The following RORA variants were observed in gnomAD, a reference collection of about 807,000 sequenced individuals.
RORA encodes RAR related orphan receptor A.
A neutral mutation model predicts 69.5 loss-of-function variants in RORA; 7 were observed. That is an observed-to-expected ratio of 0.10 (90% CI 0.06 to 0.19). The LOEUF (loss-of-function observed/expected upper bound fraction) is 0.19, where lower values mean the gene tolerates loss of function less well. RORA is among the 10% of genes least tolerant of loss of function. The pLI, the probability that RORA is intolerant of heterozygous loss-of-function variation, is 1.00. For synonymous variants in RORA, 261 were observed against 240.8 expected (o/e 1.08, Z -0.78); for missense variants, 457 against 663.0 (o/e 0.69, Z 3.41).
chr15:60,878,466 G>A (rs2073644208), intron 1 of RORA, among the ~76,000 whole-genome samples: 1 of 152,050 alleles, frequency 6.6e-6, no homozygotes, highest in African/African-American at 2.4e-5. Flanking sequence ...TTACCCAGTT[G>A]GTGGCTGGTG....
chr15:61,103,651 G>A (rs1026249760), intron 1 of RORA, among the ~76,000 whole-genome samples: 4 of 152,140 alleles, frequency 2.6e-5, no homozygotes, highest in Non-Finnish European at 2.9e-5. Flanking sequence ...GTGTGCACAC[G>A]TTTGGGGCTC....
intron 1 of RORA, among the ~76,000 whole-genome samples, chr15:61,037,382 G>A (rs917490877): frequency 1.3e-5 from 2 of 152,080 alleles, no homozygotes; most frequent in African/African-American, 4.8e-5. Flanking sequence ...TCCTTATTAG[G>A]TATCCTCCCA....
At chr15:60,671,812 A>G (rs931366957) in intron 2 of RORA, among the ~76,000 whole-genome samples, 13 of 150,728 alleles carry the variant, frequency 8.6e-5, no homozygotes, top group Non-Finnish European at 1.5e-4. Context: ...GAGTTTCACC[A>G]TGTTGGCCAG....
At chr15:60,891,316 G>C (rs2073810694) in intron 1 of RORA, among the ~76,000 whole-genome samples, 1 of 152,220 alleles carries the variant, frequency 6.6e-6, no homozygotes, top group Non-Finnish European at 1.5e-5. Flanking sequence ...CATTGTGTGT[G>C]TGCATGTGTG....
intron 1 of RORA, among the ~76,000 whole-genome samples, chr15:60,893,230 C>T (rs1300325215): frequency 1.3e-5 from 2 of 152,226 alleles, no homozygotes; most frequent in Non-Finnish European, 2.9e-5. Context: ...GATGATAGGA[C>T]ATTCCCCAAA....
chr15:60,988,386 G>C (rs542352437), intron 1 of RORA, among the ~76,000 whole-genome samples: 1 of 152,312 alleles, frequency 6.6e-6, no homozygotes, highest in African/African-American at 2.4e-5. Context: ...CCTGGAAATA[G>C]ACTGCTCACC....
At chr15:60,733,677 A>G (rs2071458119) in intron 1 of RORA, among the ~76,000 whole-genome samples, 1 of 152,178 alleles carries the variant, frequency 6.6e-6, no homozygotes, top group South Asian at 2.1e-4. Flanking sequence ...AGCTTCTGGA[A>G]GGCAAAATTT....
chr15:61,095,496 A>G (rs888035027), intron 1 of RORA, among the ~76,000 whole-genome samples: 4 of 152,244 alleles, frequency 2.6e-5, no homozygotes, highest in African/African-American at 9.6e-5. Flanking sequence ...GTTAATGCCT[A>G]CCCATCTGAG....
chr15:60,633,427 C>A (rs1216370844), intron 2 of RORA, among the ~76,000 whole-genome samples: 1 of 152,138 alleles, frequency 6.6e-6, no homozygotes, highest in Non-Finnish European at 1.5e-5. Flanking sequence ...AACGTTTTTC[C>A]AAACTTCCTT....
chr15:60,985,907 C>A (rs1156648475), intron 1 of RORA, among the ~76,000 whole-genome samples: 1 of 152,116 alleles, frequency 6.6e-6, no homozygotes, highest in Non-Finnish European at 1.5e-5. Context: ...TCAAGGAGTT[C>A]TCAAAAATTA....
At chr15:60,758,840 AG>A (rs558126792) in intron 1 of RORA, among the ~76,000 whole-genome samples, 159 of 152,326 alleles carry the variant, frequency 1.0e-3, no homozygotes, top group African/African-American at 3.6e-3. Flanking sequence ...TGGATTCAAA[AG>A]CTTTCACACC....
At chr15:60,877,003 T>TATA (rs2073624810) in intron 1 of RORA, among the ~76,000 whole-genome samples, 1 of 152,086 alleles carries the variant, frequency 6.6e-6, no homozygotes, top group Non-Finnish European at 1.5e-5. Context: ...AACTAATGGG[T>TATA]ACTGGGCTTA....
intron 1 of RORA, among the ~76,000 whole-genome samples, chr15:60,739,625 T>G (rs1307116945): frequency 6.6e-6 from 1 of 152,040 alleles, no homozygotes; most frequent in African/African-American, 2.4e-5. Flanking sequence ...CCAGGAAGAT[T>G]TTGTGTGGAC....
chr15:61,112,074 T>C (rs894254430), intron 1 of RORA, among the ~76,000 whole-genome samples: 5 of 152,182 alleles, frequency 3.3e-5, no homozygotes, highest in Non-Finnish European at 7.3e-5. Flanking sequence ...CTATTCAAAG[T>C]GTGCTCCACG....
At chr15:61,166,103 T>A (rs1313021331) in intron 1 of RORA, among the ~76,000 whole-genome samples, 2 of 152,200 alleles carry the variant, frequency 1.3e-5, no homozygotes, top group Non-Finnish European at 2.9e-5. Context: ...GAAAGGATAT[T>A]CCAGTATGTG....
intron 1 of RORA, among the ~76,000 whole-genome samples, chr15:61,057,410 T>C (rs903926386): frequency 1.3e-5 from 2 of 152,206 alleles, no homozygotes; most frequent in African/African-American, 4.8e-5. Flanking sequence ...TCTGCCAGCA[T>C]TTCTGGGAAT....
intron 1 of RORA, among the ~76,000 whole-genome samples, chr15:61,179,937 G>A (rs536607976): frequency 6.7e-6 from 1 of 150,292 alleles, no homozygotes; most frequent in African/African-American, 2.4e-5. Flanking sequence ...AGGAGTTCGA[G>A]ACCAGCCTAG....
chr15:60,604,598 A>T (rs2068902695), intron 2 of RORA, among the ~76,000 whole-genome samples: 1 of 152,182 alleles, frequency 6.6e-6, no homozygotes, highest in Admixed American at 6.5e-5. Context: ...TCGCCATTGT[A>T]TTCCTTATAT....
chr15:60,691,256 C>T (rs2070819594), intron 1 of RORA, among the ~76,000 whole-genome samples: 1 of 152,132 alleles, frequency 6.6e-6, no homozygotes, highest in African/African-American at 2.4e-5. Flanking sequence ...CTCTCCCTGC[C>T]CCCCTCTCCA....
Sources: gnomAD v4.1 joint callset for allele counts (sites outside exome capture counted in the v4.1 genomes callset) on GRCh38, gnomAD v4.1.1 for gene constraint, MANE v1.5 for transcripts, NCBI Gene and HGNC (gene_info 2026-07-23, HGNC 2026-07-21) for gene names.